The following ADCY8 variants were observed in gnomAD, a reference collection of about 807,000 sequenced individuals.
ADCY8 encodes the protein adenylate cyclase 8.
A neutral mutation model predicts 119.7 loss-of-function variants in ADCY8; 51 were observed. The ratio of observed to expected loss-of-function variants is 0.43; its 90% CI spans 0.34 to 0.54. The LOEUF (loss-of-function observed/expected upper bound fraction) is 0.54, where lower values mean the gene tolerates loss of function less well. Among genes scored for constraint, ADCY8 ranks in the 20% least tolerant of loss-of-function variants. ADCY8 has a pLI of 0.03. For missense variants in ADCY8, 1,383 were observed against 1,598.8 expected (o/e 0.87, Z 2.30); for synonymous variants, 665 against 651.0 (o/e 1.02, Z -0.33).
Position 130,882,083 on chromosome 8 carries a change from T to C in ADCY8, c.2109+2481A>G, listed in dbSNP as rs148656923. Reference sequence around the variant, plus strand: ...CCCAGTTTATTAGTGTGTGTGTGTATGTGTGTGTGTTTCCTCTTAGAAACC... The same window carrying C: ...CCCAGTTTATTAGTGTGTGTGTGTACGTGTGTGTGTTTCCTCTTAGAAACC... On this transcript the variant is annotated intron_variant, in intron 8 of 17. Coordinates refer to ENST00000286355, the MANE Select transcript of ADCY8 (RefSeq NM_001115.3). Among the ~76,000 whole-genome samples the C allele has an allele frequency of 5.3e-5, 8 of 151,654 alleles. No homozygotes were observed. In the East Asian group the frequency reaches 1.6e-3, roughly 30 times the overall value.
intron 11 of ADCY8, among the ~76,000 whole-genome samples, chr8:130,837,282 A>G (rs983290749): frequency 6.6e-6 from 1 of 152,190 alleles, no homozygotes; most frequent in Non-Finnish European, 1.5e-5. Flanking sequence ...TCTGAATAGT[A>G]AAGCTCACAA....
At chr8:130,995,464 A>G (rs1460184901) in intron 1 of ADCY8, among the ~76,000 whole-genome samples, 1 of 152,178 alleles carries the variant, frequency 6.6e-6, no homozygotes, top group Non-Finnish European at 1.5e-5. Context: ...AATATAATAC[A>G]TTGTTAAAAT....
chr8:130,833,936 A>G (rs769215259), intron 12 of ADCY8, among the ~76,000 whole-genome samples: 15 of 152,156 alleles, frequency 9.9e-5, no homozygotes, highest in Non-Finnish European at 1.8e-4. Flanking sequence ...AGGATACAAA[A>G]TTTTAGTTAG....
intron 9 of ADCY8, among the ~76,000 whole-genome samples, chr8:130,859,918 T>C (rs910587947): frequency 6.6e-6 from 1 of 152,184 alleles, no homozygotes; most frequent in African/African-American, 2.4e-5. Flanking sequence ...TTTCAGACGG[T>C]TTCTTTCACT....
At chr8:130,983,056 G>A (rs1822286071) in intron 2 of ADCY8, among the ~76,000 whole-genome samples, 1 of 152,198 alleles carries the variant, frequency 6.6e-6, no homozygotes, top group Non-Finnish European at 1.5e-5. Flanking sequence ...CATCCTAATG[G>A]AGCAATAGTG....
rs780360754 is a variant in ADCY8 at position 130,783,649 on chromosome 8, G to A, written c.3268+42C>T. 2.0e-6 allele frequency: 3 copies of A among 1,472,008 alleles called. No homozygotes were observed. In the Admixed American group the frequency reaches 5.3e-5, roughly 26 times the overall value. The allele number at this position is 1,472,008 out of a possible 1,614,324, so 91.2% of individuals were successfully genotyped here. ...GCAGGGGAGGGTCTGTTGGAGCAAG[G>A]TCAGCTGGCTCTATCAGGCCCCACC... On this transcript the variant is annotated intron_variant, in intron 17 of 17. Coordinates refer to ENST00000286355, the MANE Select transcript of ADCY8 (RefSeq NM_001115.3).
chr8:131,019,707 A>T (rs1235607006), intron 1 of ADCY8, among the ~76,000 whole-genome samples: 2 of 152,120 alleles, frequency 1.3e-5, no homozygotes, highest in African/African-American at 2.4e-5. Flanking sequence ...GGATGCTGAG[A>T]CTACTCAGGT....
At chr8:130,811,301 T>C (rs1816157509) in intron 14 of ADCY8, among the ~76,000 whole-genome samples, 1 of 152,188 alleles carries the variant, frequency 6.6e-6, no homozygotes, top group Non-Finnish European at 1.5e-5. Flanking sequence ...CATTCTCTCC[T>C]AGCTCTGCCC....
intron 7 of ADCY8, among the ~76,000 whole-genome samples, chr8:130,901,293 T>G (rs978241610): frequency 1.4e-5 from 2 of 145,506 alleles, no homozygotes; most frequent in Non-Finnish European, 3.0e-5. Context: ...TAATAGATGC[T>G]CAATTAATCC....
At chr8:130,882,349 C>G (rs1173174692) in intron 8 of ADCY8, among the ~76,000 whole-genome samples, 1 of 152,052 alleles carries the variant, frequency 6.6e-6, no homozygotes, top group Admixed American at 6.6e-5. Context: ...TTCTGGAATC[C>G]TATGTATTTG....
chr8:130,992,425 A>ATATATATATATATATATT (rs1563759152), intron 1 of ADCY8, among the ~76,000 whole-genome samples: 1 of 125,450 alleles, frequency 8.0e-6, no homozygotes, highest in African/African-American at 3.4e-5. Flanking sequence ...ATATATATAT[A>ATATATATATATATATATT]TATATTTGAG....
intron 14 of ADCY8, among the ~76,000 whole-genome samples, chr8:130,802,299 G>A (rs578250625): frequency 1.3e-5 from 2 of 152,218 alleles, no homozygotes; most frequent in Admixed American, 6.5e-5. Flanking sequence ...AAGTTCTGCT[G>A]GGCTTGTTTT....
chr8:130,872,345 G>A (rs901613987), intron 8 of ADCY8, among the ~76,000 whole-genome samples: 10 of 152,292 alleles, frequency 6.6e-5, no homozygotes, highest in Admixed American at 2.0e-4. Flanking sequence ...TTGAATAACT[G>A]AGTAACTCAA....
At position 130,913,289 on chromosome 8, in the gene ADCY8, T is replaced by G. The variant is rs138496311; in HGVS notation, c.1482-3423A>C. Reference sequence around the variant, plus strand: ...CTATCAAATAATAAGTTTTATTTCTTTTTTCTATTTTTTTCTACCCATTAA... The same window carrying G: ...CTATCAAATAATAAGTTTTATTTCTGTTTTCTATTTTTTTCTACCCATTAA... On this transcript the variant is annotated intron_variant, in intron 5 of 17. Transcript: ENST00000286355. Among the ~76,000 whole-genome samples, 144 of 152,202 alleles carry G rather than the reference T, an allele frequency of 9.5e-4. 4 individuals are homozygous for G. Among genetic ancestry groups the G allele is most frequent in the African/African-American group, 3.4e-3 (141 of 41,526 alleles).
chr8:130,787,571 G>T (rs1815287942), intron 15 of ADCY8, among the ~76,000 whole-genome samples: 1 of 152,136 alleles, frequency 6.6e-6, no homozygotes. Flanking sequence ...GGGCACATTT[G>T]TAGTGATGTG....
intron 8 of ADCY8, among the ~76,000 whole-genome samples, chr8:130,880,363 T>G (rs778887384): frequency 6.6e-6 from 1 of 152,210 alleles, no homozygotes; most frequent in African/African-American, 2.4e-5. Context: ...TATCAACTTT[T>G]ACTGGTGAAA....
chr8:130,962,643 T>C (rs1371254396), intron 2 of ADCY8, among the ~76,000 whole-genome samples: 1 of 152,222 alleles, frequency 6.6e-6, no homozygotes, highest in Non-Finnish European at 1.5e-5. Context: ...TTCAGGATCT[T>C]TATTTTATGC....
intron 5 of ADCY8, among the ~76,000 whole-genome samples, chr8:130,921,147 C>A (rs897172834): frequency 3.3e-5 from 5 of 151,986 alleles, no homozygotes; most frequent in Non-Finnish European, 7.4e-5. Context: ...TGATTATTCC[C>A]AAATATTAAA....
chr8:130,792,550 A>T (rs780275018), intron 15 of ADCY8, among the ~76,000 whole-genome samples: 65 of 152,170 alleles, frequency 4.3e-4, no homozygotes, highest in Non-Finnish European at 1.0e-4. Flanking sequence ...CATCTTGGTT[A>T]GTGGTGTCTC....
Sources: gnomAD v4.1 joint callset for allele counts (sites outside exome capture counted in the v4.1 genomes callset) on GRCh38, gnomAD v4.1.1 for gene constraint, MANE v1.5 for transcripts, NCBI Gene and HGNC (gene_info 2026-07-23, HGNC 2026-07-21) for gene names.